SOX6: variants seen among roughly 807,000 people sequenced by gnomAD.
SOX6 encodes SRY-box transcription factor 6.
Under a neutral mutation model 97.8 loss-of-function variants are expected in SOX6, and 11 were observed. The observed-to-expected ratio is 0.11, with a 90% CI of 0.07 to 0.19. SOX6 has a LOEUF of 0.19. SOX6 is among the 10% of genes least tolerant of loss of function. SOX6 has a pLI of 1.00. For synonymous variants in SOX6, 360 were observed against 371.4 expected, an observed-to-expected ratio of 0.97 and a Z score of 0.35; for missense variants, 810 against 1,039.5, an observed-to-expected ratio of 0.78 and a Z score of 3.04.
chr11:16,436,351 T>G (rs2133081139), intron 1 of SOX6, among the ~76,000 whole-genome samples: 1 of 152,148 alleles, frequency 6.6e-6, no homozygotes, highest in Middle Eastern at 3.4e-3. Flanking sequence ...CCCCCAGGAT[T>G]TCAATCTTAA....
chr11:15,994,640 A>C (rs1393417078), intron 13 of SOX6, among the ~76,000 whole-genome samples: 4 of 152,188 alleles, frequency 2.6e-5, no homozygotes, highest in Non-Finnish European at 5.9e-5. Flanking sequence ...ATTACCAGTG[A>C]ATTGATAATA....
Position 16,046,531 on chromosome 11 carries a change from T to C in SOX6, c.1606A>G (p.Ser536Gly). The change falls in exon 12 of 16, where the codon AGC (serine) becomes GGC (glycine). Residue 536 changes from serine to glycine, a missense_variant. By Grantham distance (56) the Ser-to-Gly change is moderately conservative (BLOSUM62 0). This residue lies in a region of SOX6 where 120 missense variants were observed against 127.0 expected (regional missense o/e 0.94). Transcript: ENST00000683767. The stretch of plus-strand genomic sequence containing the variant: ...AGTTTTACCTTTTCATTCCTGCAGC[T>C]GTTCAGCCCCATATTATTTATGGAG... ...LSSINNMGLN[S>G]CRNEKERTRF... is the part of the protein sequence containing the mutation. 1 of 1,613,524 alleles carries C rather than the reference T, an allele frequency of 6.2e-7. No individual in the cohort carries two copies. The highest frequency in any genetic ancestry group is 8.5e-7 in the Non-Finnish European group (1 of 1,179,718).
At chr11:16,052,371 A>T (rs1221911577) in intron 10 of SOX6, among the ~76,000 whole-genome samples, 1 of 152,130 alleles carries the variant, frequency 6.6e-6, no homozygotes, top group Non-Finnish European at 1.5e-5. Context: ...TACATATAAG[A>T]GGCATAAATA....
At chr11:16,234,455 CT>C (rs1852954506) in intron 4 of SOX6, 126 bp downstream of exon 4, 1 of 587,040 alleles carries the variant, frequency 1.7e-6, no homozygotes, top group Non-Finnish European at 3.0e-6. Context: ...AATATTCACC[CT>C]CTCATGTACA....
chr11:16,160,091 G>T (rs1020796190), intron 6 of SOX6, among the ~76,000 whole-genome samples: 1 of 152,116 alleles, frequency 6.6e-6, no homozygotes, highest in Non-Finnish European at 1.5e-5. Flanking sequence ...TGCAGATGGG[G>T]TTCTCTAAAA....
intron 3 of SOX6, among the ~76,000 whole-genome samples, chr11:16,660,207 A>G (rs1847756017): frequency 6.6e-6 from 1 of 152,060 alleles, no homozygotes; most frequent in Admixed American, 6.6e-5. Flanking sequence ...GGAAATTCAG[A>G]TAATTTATTT....
At chr11:15,974,333 T>G (rs1172650221) in intron 15 of SOX6, among the ~76,000 whole-genome samples, 2 of 150,686 alleles carry the variant, frequency 1.3e-5, no homozygotes, top group Non-Finnish European at 2.9e-5. Context: ...AGAAGTAGCT[T>G]AGCTACCTGC....
chr11:16,566,535 T>C (rs1301537180), intron 4 of SOX6, among the ~76,000 whole-genome samples: 1 of 152,238 alleles, frequency 6.6e-6, no homozygotes, highest in Non-Finnish European at 1.5e-5. Context: ...CTAAGCCTAT[T>C]GTATCTCATC....
At chr11:16,151,537 A>T (rs1419580708) in intron 6 of SOX6, among the ~76,000 whole-genome samples, 1 of 152,122 alleles carries the variant, frequency 6.6e-6, no homozygotes, top group Admixed American at 6.6e-5. Flanking sequence ...TCCACAGAGA[A>T]AATTTCATGT....
At chr11:16,188,882 G>A (rs1431371092) in intron 4 of SOX6, among the ~76,000 whole-genome samples, 2 of 152,010 alleles carry the variant, frequency 1.3e-5, no homozygotes, top group African/African-American at 4.8e-5. Flanking sequence ...GACCAATACG[G>A]TGAATCCCCT....
chr11:16,052,313 G>A (rs952222483), intron 10 of SOX6, among the ~76,000 whole-genome samples: 2 of 151,994 alleles, frequency 1.3e-5, no homozygotes, highest in African/African-American at 4.8e-5. Flanking sequence ...GGTAGAAGGG[G>A]AAATAACAAT....
chr11:16,391,520 A>C (rs1858181825), intron 1 of SOX6, among the ~76,000 whole-genome samples: 1 of 152,112 alleles, frequency 6.6e-6, no homozygotes, highest in African/African-American at 2.4e-5. Context: ...AGTAGGTACA[A>C]ATTGATGTTT....
intron 3 of SOX6, among the ~76,000 whole-genome samples, chr11:16,677,658 T>C (rs1219452007): frequency 1.3e-5 from 2 of 152,226 alleles, no homozygotes; most frequent in African/African-American, 4.8e-5. Context: ...GGAGTATTGA[T>C]CTGTGAGTTT....
intron 4 of SOX6, among the ~76,000 whole-genome samples, chr11:16,573,667 T>C (rs1445142032): frequency 6.6e-6 from 1 of 152,202 alleles, no homozygotes; most frequent in Admixed American, 6.5e-5. Context: ...AGATAGTTAA[T>C]AAAACAACCA....
chr11:16,294,158 G>A (rs1466270239), intron 3 of SOX6, among the ~76,000 whole-genome samples: 1 of 151,990 alleles, frequency 6.6e-6, no homozygotes, highest in Non-Finnish European at 1.5e-5. Context: ...CCATATTTAT[G>A]CAAGAGGGGC....
chr11:16,737,417 G>A (rs772125025), intron 1 of SOX6, among the ~76,000 whole-genome samples: 1 of 152,020 alleles, frequency 6.6e-6, no homozygotes, highest in African/African-American at 2.4e-5. Context: ...ATGTTGATCA[G>A]GCTGGTCTCG....
chr11:16,636,643 C>G (rs981652676), intron 3 of SOX6, among the ~76,000 whole-genome samples: 1 of 152,068 alleles, frequency 6.6e-6, no homozygotes, highest in African/African-American at 2.4e-5. Flanking sequence ...TGGCTCTGTC[C>G]CCCTACCCCA....
At position 15,972,385 on chromosome 11, in the gene SOX6, C is replaced by A; in HGVS notation, c.*424G>T. 5.8e-6 allele frequency: 1 copy of A among 172,918 alleles called. No individual in the cohort carries two copies. The highest frequency in any genetic ancestry group is 1.2e-5 in the Non-Finnish European group (1 of 80,112). 10.7% of individuals were successfully genotyped at this position (172,918 alleles called of 1,614,324 possible). A position where few individuals can be genotyped will look rare whatever the true frequency, so the allele number is the denominator to read the frequency against. ...TCCTCAGTTGTTTTCTAAAATAATT[C>A]AGAATAAAAACACATTCACAACCTG... On this transcript the variant is annotated 3_prime_UTR_variant, in exon 16 of 16. Transcript: ENST00000683767.
chr11:16,690,952 A>G (rs1241574476), intron 3 of SOX6, among the ~76,000 whole-genome samples: 1 of 152,240 alleles, frequency 6.6e-6, no homozygotes, highest in Non-Finnish European at 1.5e-5. Context: ...GTGCATTAGG[A>G]AGCATCTGAA....
Sources: allele counts gnomAD v4.1 joint callset (sites outside exome capture counted in the v4.1 genomes callset), GRCh38; gene constraint gnomAD v4.1.1; regional missense constraint gnomAD v4.1.1; transcripts MANE v1.5; gene names NCBI Gene and HGNC (gene_info 2026-07-23, HGNC 2026-07-21).